The following NTM variants were observed in gnomAD, a reference collection of about 807,000 sequenced individuals.
NTM encodes neurotrimin.
Under a neutral mutation model 42.1 loss-of-function variants are expected in NTM, and 13 were observed. That is an observed-to-expected ratio of 0.31 (90% CI 0.20 to 0.49). NTM has a LOEUF of 0.49. NTM is among the 20% of genes least tolerant of loss of function. NTM has a pLI of 0.99. For missense variants in NTM, 373 were observed against 452.8 expected (o/e 0.82, Z 1.60); for synonymous variants, 187 against 179.2 (o/e 1.04, Z -0.35).
intron 3 of NTM, among the ~76,000 whole-genome samples, chr11:132,194,359 C>A (rs11824160): frequency 0.017 from 2,458 of 148,738 alleles, 58 homozygotes; most frequent in African/African-American, 0.057. Flanking sequence ...TTAAAAAAAA[C>A]AAAATAACAT....
chr11:131,518,986 C>T (rs369160352), intron 1 of NTM, among the ~76,000 whole-genome samples: 2 of 152,304 alleles, frequency 1.3e-5, no homozygotes, highest in African/African-American at 2.4e-5. Context: ...TATTTCTCTG[C>T]AGAAGTATCA....
chr11:131,429,013 C>T (rs1485814673), intron 1 of NTM, among the ~76,000 whole-genome samples: 2 of 151,888 alleles, frequency 1.3e-5, no homozygotes, highest in Non-Finnish European at 2.9e-5. Flanking sequence ...CGAGATCGTG[C>T]AGCTGCACTC....
intron 1 of NTM, among the ~76,000 whole-genome samples, chr11:131,792,026 G>A (rs971715089): frequency 2.0e-5 from 3 of 152,150 alleles, no homozygotes; most frequent in Non-Finnish European, 2.9e-5. Context: ...TATTACAAGA[G>A]AGGGATCCAG....
intron 1 of NTM, among the ~76,000 whole-genome samples, chr11:131,737,998 C>T (rs917916884): frequency 1.3e-5 from 2 of 152,184 alleles, no homozygotes; most frequent in African/African-American, 2.4e-5. Context: ...TCTCCCAGCA[C>T]GGCTGTAATT....
intron 4 of NTM, among the ~76,000 whole-genome samples, chr11:132,252,813 G>A (rs75688884): frequency 3.4e-3 from 524 of 152,246 alleles, no homozygotes; most frequent in Non-Finnish European, 5.9e-3. Context: ...GGGTATTTAC[G>A]TAGGGAGGAA....
chr11:132,244,964 C>T lies in NTM; in HGVS notation c.526+32817C>T, dbSNP rs533881969. On this transcript the variant is annotated intron_variant, in intron 4 of 8. Coordinates refer to ENST00000683400, the MANE Select transcript of NTM (RefSeq NM_001352005.2). ...ACTTCACAGGTTGTACGTTTGCGCC[C>T]GTGTTTTCTCAGCTGGTGTAATCTG... is the stretch of plus-strand genomic sequence containing the variant. Among the ~76,000 whole-genome samples, 35 of 152,300 alleles carry T rather than the reference C, an allele frequency of 2.3e-4. 1 individual carries two copies. Among genetic ancestry groups the T allele is most frequent in the Admixed American group, 1.6e-3 (25 of 15,294 alleles).
chr11:132,045,949 G>A (rs926760608), intron 2 of NTM, among the ~76,000 whole-genome samples: 4 of 152,126 alleles, frequency 2.6e-5, no homozygotes, highest in East Asian at 1.9e-4. Flanking sequence ...TGCTATTCTC[G>A]TTCTGCATAG....
chr11:131,818,802 A>C (rs760981342), intron 1 of NTM, among the ~76,000 whole-genome samples: 1 of 152,186 alleles, frequency 6.6e-6, no homozygotes, highest in Non-Finnish European at 1.5e-5. Context: ...TATGTGGACT[A>C]TAATGGGAAT....
intron 2 of NTM, among the ~76,000 whole-genome samples, chr11:132,035,786 T>C (rs1293552780): frequency 6.6e-6 from 1 of 152,150 alleles, no homozygotes; most frequent in Non-Finnish European, 1.5e-5. Context: ...GCTGGCTGGG[T>C]AATGGATGTC....
chr11:131,471,904 C>T (rs1367522802), intron 1 of NTM, among the ~76,000 whole-genome samples: 2 of 152,096 alleles, frequency 1.3e-5, no homozygotes, highest in Non-Finnish European at 2.9e-5. Flanking sequence ...GCCAATGACT[C>T]AAAGTAGGAA....
At chr11:131,658,439 C>T (rs927104449) in intron 1 of NTM, among the ~76,000 whole-genome samples, 7 of 152,368 alleles carry the variant, frequency 4.6e-5, no homozygotes, top group African/African-American at 1.7e-4. Flanking sequence ...ACATTCCACA[C>T]CCACGTGGTG....
intron 4 of NTM, among the ~76,000 whole-genome samples, chr11:132,304,885 G>T (rs1306388559): frequency 6.6e-6 from 1 of 152,164 alleles, no homozygotes; most frequent in Non-Finnish European, 1.5e-5. Context: ...GTAGGATTAA[G>T]CCTCACTGTT....
chr11:131,752,816 G>A (rs558624424), intron 1 of NTM, among the ~76,000 whole-genome samples: 1 of 152,228 alleles, frequency 6.6e-6, no homozygotes, highest in East Asian at 1.9e-4. Context: ...TTACCATTCA[G>A]GGCATAGGCA....
At chr11:131,820,334 G>C (rs1415203650) in intron 1 of NTM, among the ~76,000 whole-genome samples, 1 of 152,176 alleles carries the variant, frequency 6.6e-6, no homozygotes. Context: ...AGTCCTCCAA[G>C]ATTCTGGGTA....
At chr11:131,963,479 T>C (rs1372585330) in intron 2 of NTM, among the ~76,000 whole-genome samples, 1 of 152,206 alleles carries the variant, frequency 6.6e-6, no homozygotes, top group African/African-American at 2.4e-5. Context: ...AGTCTACAAA[T>C]ATCCATGAAA....
chr11:131,518,336 T>C (rs1157477216), intron 1 of NTM, among the ~76,000 whole-genome samples: 2 of 152,218 alleles, frequency 1.3e-5, no homozygotes, highest in East Asian at 3.9e-4. Flanking sequence ...CCTCTAAGTC[T>C]CCTTGCTGTT....
At chr11:132,134,165 C>T (rs888548729) in intron 2 of NTM, among the ~76,000 whole-genome samples, 1 of 152,168 alleles carries the variant, frequency 6.6e-6, no homozygotes, top group South Asian at 2.1e-4. Context: ...TCCAGCCATC[C>T]TCCCACCTTA....
chr11:131,624,039 G>A (rs1473323673), intron 1 of NTM, among the ~76,000 whole-genome samples: 1 of 152,184 alleles, frequency 6.6e-6, no homozygotes, highest in African/African-American at 2.4e-5. Flanking sequence ...AGCCATGTCA[G>A]GGGGTTTTTG....
chr11:131,469,990 T>C (rs1952279218), intron 1 of NTM, among the ~76,000 whole-genome samples: 1 of 152,190 alleles, frequency 6.6e-6, no homozygotes, highest in Non-Finnish European at 1.5e-5. Flanking sequence ...TGTAGCTCTT[T>C]ATGGTATTAT....
Sources: gnomAD v4.1 joint callset for allele counts (sites outside exome capture counted in the v4.1 genomes callset) on GRCh38, gnomAD v4.1.1 for gene constraint, MANE v1.5 for transcripts, NCBI Gene and HGNC (gene_info 2026-07-23, HGNC 2026-07-21) for gene names.